The following MAP3K15 variants were observed in gnomAD, a reference collection of about 807,000 sequenced individuals.
The protein encoded by MAP3K15 is mitogen-activated protein kinase kinase kinase 15.
A neutral mutation model predicts 99.5 loss-of-function variants in MAP3K15; 124 were observed. That is an observed-to-expected ratio of 1.25 (90% confidence interval 1.08 to 1.45). MAP3K15 has a LOEUF of 1.45. Ranked by LOEUF, MAP3K15 falls within the 40% of genes most tolerant of loss-of-function variation. MAP3K15 has a pLI of 0.00. For synonymous variants in MAP3K15, 494 were observed against 439.6 expected, an observed-to-expected ratio of 1.12 and a Z score of -1.55; for missense variants, 1,242 against 1,079.7, an observed-to-expected ratio of 1.15 and a Z score of -2.11.
intron 3 of MAP3K15, among the ~76,000 whole-genome samples, chrX:19,469,182 G>C (rs9724102): frequency 0.062 from 6,824 of 109,620 alleles, 385 homozygotes; most frequent in African/African-American, 0.18. Flanking sequence ...AAACAGCATG[G>C]TACTGGTACC....
chrX:19,395,039 G>C (rs745966256), intron 16 of MAP3K15, 42 bp downstream of exon 16: 2 of 1,187,482 alleles, frequency 1.7e-6, no homozygotes, highest in Non-Finnish European at 2.3e-6. Flanking sequence ...CCACGTCGTA[G>C]TGATTTTCAG....
chrX:19,408,368 C>A (rs1301284452), intron 12 of MAP3K15, among the ~76,000 whole-genome samples: 1 of 112,179 alleles, frequency 8.9e-6, no homozygotes, highest in Non-Finnish European at 1.9e-5. Context: ...TTTTGAAAAT[C>A]TTCACAAGGC....
chrX:19,371,151 A>C lies in MAP3K15; in HGVS notation c.3295-87T>G, dbSNP rs769776445. 4.8e-6 allele frequency: 4 copies of C among 833,037 alleles called. No individual in the cohort carries two copies. In the African/African-American group the frequency reaches 8.5e-5, roughly 18 times the overall value. The allele number at this position is 833,037 out of a possible 1,213,427, so 68.7% of individuals were successfully genotyped here. Reference sequence around the variant, plus strand: ...TGCACGGAGAATCACGGCAACCTACACTCATCCTCTTGGGGGCCGCATGCA... The same window carrying C: ...TGCACGGAGAATCACGGCAACCTACCCTCATCCTCTTGGGGGCCGCATGCA... On this transcript the variant is annotated intron_variant, in intron 23 of 28. Transcript: ENST00000338883.
rs2063559475 is a variant in MAP3K15, at chrX:19,395,152, T to C, written c.2123A>G (p.Asn708Ser). The C allele has an allele frequency of 8.3e-7, 1 of 1,209,096 alleles. No homozygotes were observed. Residue 708 changes from asparagine (N) to serine (S), a missense_variant, in exon 16 of 29, where the codon AAT (asparagine) becomes AGT (serine). Coordinates refer to ENST00000338883, the MANE Select transcript of MAP3K15 (RefSeq NM_001001671.4). Reference sequence around the variant, plus strand: ...AACAGAGCCCAGGTACTGAACGATATTGCGGTGCTTAAGGTACTTGTGCAG... The same window carrying C: ...AACAGAGCCCAGGTACTGAACGATACTGCGGTGCTTAAGGTACTTGTGCAG... ...IALHKYLKHR[N>S]IVQYLGSVSE...
chrX:19,441,308 TA>T (rs1462245599), intron 6 of MAP3K15, among the ~76,000 whole-genome samples: 5 of 103,717 alleles, frequency 4.8e-5, no homozygotes, highest in Admixed American at 1.1e-4. Flanking sequence ...TGCTTAGGAA[TA>T]GGGGGGGAAG....
At chrX:19,423,230 G>A (rs2063801630) in intron 9 of MAP3K15, among the ~76,000 whole-genome samples, 1 of 110,892 alleles carries the variant, frequency 9.0e-6, no homozygotes. Flanking sequence ...TATCACAACC[G>A]GGATGTTGTC....
chrX:19,476,569 T>C (rs755660615), intron 3 of MAP3K15, among the ~76,000 whole-genome samples: 1 of 112,227 alleles, frequency 8.9e-6, no homozygotes, highest in African/African-American at 3.2e-5. Flanking sequence ...TACATACATA[T>C]ATACATTGTC....
chrX:19,371,938 G>T (rs1453919774), intron 22 of MAP3K15, among the ~76,000 whole-genome samples: 1 of 110,678 alleles, frequency 9.0e-6, no homozygotes, highest in Non-Finnish European at 1.9e-5. Flanking sequence ...TTCAAGACCA[G>T]CCTGGCCAAC....
At chrX:19,387,096 A>G (rs1316760086) in intron 18 of MAP3K15, among the ~76,000 whole-genome samples, 1 of 112,172 alleles carries the variant, frequency 8.9e-6, no homozygotes, top group Non-Finnish European at 1.9e-5. Context: ...TGACCAAGGG[A>G]TAAGCCTGGT....
chrX:19,514,916 C>G lies in MAP3K15; in HGVS notation c.346G>C (p.Ala116Pro). Residue 116 changes from alanine (A) to proline (P), a missense_variant, in exon 1 of 29, where the codon GCC becomes CCC. Transcript: ENST00000338883. ...CCGCTCTCACCTGCGTCGTAGAAGG[C>G]GTCGAGCACGGCCGTCTCCCCGAAG... is the stretch of plus-strand genomic sequence containing the variant. Reference protein sequence around the residue: ...LDFGETAVLDAFYDADVAVVD... With the variant: ...LDFGETAVLDPFYDADVAVVD... 1 of 1,129,252 alleles carries G rather than the reference C, an allele frequency of 8.9e-7. No individual in the cohort carries two copies. Among genetic ancestry groups the G allele is most frequent in the South Asian group, 1.9e-5 (1 of 52,043 alleles). 93.1% of individuals were successfully genotyped at this position (1,129,252 alleles called of 1,213,427 possible).
At chrX:19,360,907 T>C in intron 28 of MAP3K15, 74 bp from the exon 29 acceptor site, 2 of 769,394 alleles carry the variant, frequency 2.6e-6, no homozygotes, top group East Asian at 3.2e-5. Context: ...GTCCCTAATT[T>C]AAAAACCTAA....
chrX:19,432,992 G>A (rs1322172757), intron 6 of MAP3K15, among the ~76,000 whole-genome samples: 2 of 112,328 alleles, frequency 1.8e-5, no homozygotes, highest in African/African-American at 3.2e-5. Context: ...GATTACAGGC[G>A]TGAGACACCG....
chrX:19,377,396 T>C (rs757998780), intron 19 of MAP3K15, among the ~76,000 whole-genome samples: 9 of 110,866 alleles, frequency 8.1e-5, no homozygotes, highest in Non-Finnish European at 1.7e-4. Flanking sequence ...AAATACAAAA[T>C]AGCCAGGCAT....
At chrX:19,493,169 A>G (rs1216870998) in intron 1 of MAP3K15, among the ~76,000 whole-genome samples, 5 of 109,885 alleles carry the variant, frequency 4.6e-5, no homozygotes, top group Non-Finnish European at 9.5e-5. Context: ...GCCCATTTTC[A>G]CAGGCAACCT....
chrX:19,399,739 C>CAA (rs777947449), intron 14 of MAP3K15, among the ~76,000 whole-genome samples: 2,038 of 35,427 alleles, frequency 0.058, 177 homozygotes, highest in Non-Finnish European at 0.098. Flanking sequence ...ACTCTGTTTC[C>CAA]AAAAAAAAAA....
intron 3 of MAP3K15, among the ~76,000 whole-genome samples, chrX:19,479,343 C>T (rs2064274117): frequency 9.0e-6 from 1 of 110,996 alleles, no homozygotes; most frequent in Non-Finnish European, 1.9e-5. Flanking sequence ...TCATCCCAAC[C>T]CAAGACAACT....
chrX:19,459,966 G>A lies in MAP3K15; in HGVS notation c.888+19C>T, dbSNP rs375167517. 2.7e-5 allele frequency: 30 copies of A among 1,119,172 alleles called. No individual in the cohort carries two copies. Among genetic ancestry groups the A allele is most frequent in the African/African-American group, 7.4e-5 (4 of 54,382 alleles). 92.2% of individuals were successfully genotyped at this position (1,119,172 alleles called of 1,213,427 possible). A position where few individuals can be genotyped will look rare whatever the true frequency, so the allele number is the denominator to read the frequency against. ...GAAGAACGTAGCATACGTGAGCCTC[G>A]GCTAGGTGGATTTCATACCTGGATA... On this transcript the variant is annotated intron_variant, in intron 5 of 28. Transcript: ENST00000338883.
chrX:19,422,252 A>C (rs1338872215), intron 9 of MAP3K15, among the ~76,000 whole-genome samples: 1 of 111,520 alleles, frequency 9.0e-6, no homozygotes, highest in Non-Finnish European at 1.9e-5. Context: ...CAACCTACAG[A>C]ATGGGAGAAA....
intron 6 of MAP3K15, among the ~76,000 whole-genome samples, chrX:19,440,153 C>T (rs2063949388): frequency 1.8e-5 from 2 of 112,139 alleles, no homozygotes; most frequent in African/African-American, 6.5e-5. Context: ...GCTCTGGTAA[C>T]ATCACCTCTT....
Sources: gnomAD v4.1 joint callset for allele counts (sites outside exome capture counted in the v4.1 genomes callset) on GRCh38, gnomAD v4.1.1 for gene constraint, MANE v1.5 for transcripts, NCBI Gene and HGNC (gene_info 2026-07-23, HGNC 2026-07-21) for gene names.